CMTM4: variants seen among roughly 807,000 people sequenced by gnomAD.
The protein encoded by CMTM4 is CKLF-like MARVEL transmembrane domain-containing protein 4.
CMTM4 carries 8 observed loss-of-function variants against 19.0 expected under a neutral mutation model. That is an observed-to-expected ratio of 0.42 (90% CI 0.25 to 0.76). The LOEUF (loss-of-function observed/expected upper bound fraction) is 0.76. CMTM4 is among the 30% of genes least tolerant of loss of function. The pLI, the probability that CMTM4 is intolerant of heterozygous loss-of-function variation, is 0.27. For synonymous variants in CMTM4, 106 were observed against 121.1 expected (o/e 0.88, Z 0.82); for missense variants, 228 against 290.2 (o/e 0.79, Z 1.56).
chr16:66,654,615 C>T (rs1330435243), intron 1 of CMTM4, among the ~76,000 whole-genome samples: 3 of 152,200 alleles, frequency 2.0e-5, no homozygotes, highest in Non-Finnish European at 2.9e-5. Flanking sequence ...CATAGCCCGT[C>T]GCACAGTAGT....
downstream of CMTM4, chr16:66,613,954 T>C (rs897998506): frequency 6.4e-5 from 5 of 78,636 alleles, no homozygotes; most frequent in African/African-American, 2.5e-4. Context: ...AGTTTTTCCA[T>C]GGACTGGGGG....
chr16:66,682,454 G>A (rs897556620), intron 1 of CMTM4, among the ~76,000 whole-genome samples: 2 of 151,884 alleles, frequency 1.3e-5, no homozygotes, highest in African/African-American at 4.8e-5. Context: ...TGGAATAAAT[G>A]GGAAACCACA....
intron 1 of CMTM4, among the ~76,000 whole-genome samples, chr16:66,665,581 C>T (rs749494814): frequency 9.9e-5 from 15 of 151,986 alleles, no homozygotes; most frequent in Non-Finnish European, 2.1e-4. Context: ...CCCATCTCTA[C>T]TAAAAATACA....
At chr16:66,633,104 T>TATATATATATATAAATATATATATATAA (rs957560916) in intron 2 of CMTM4, among the ~76,000 whole-genome samples, 42 of 24,726 alleles carry the variant, frequency 1.7e-3, no homozygotes, top group African/African-American at 4.1e-3. Context: ...TATATATAAA[T>TATATATATATATAAATATATATATATAA]ATATATATAT....
At position 66,681,310 on chromosome 16, in the gene CMTM4, T is replaced by G. The variant is rs572972633; in HGVS notation, c.186+15030A>C. 3.3e-3 allele frequency among the ~76,000 whole-genome samples: 498 copies of G among 151,634 alleles called. 1 individual carries two copies. Among genetic ancestry groups the G allele is most frequent in the Non-Finnish European group, 5.8e-3 (391 of 67,982 alleles). ...GATAGTTGACATGCTTTTTTTCCTA[T>G]TAAATCTTTTTTTTTTTCTTTTTTG... is the stretch of plus-strand genomic sequence containing the variant. On this transcript the variant is annotated intron_variant, in intron 1 of 3. Coordinates refer to ENST00000394106, the MANE Select transcript of CMTM4 (RefSeq NM_181521.3).
chr16:66,693,486 G>A (rs1325274135), intron 1 of CMTM4, among the ~76,000 whole-genome samples: 1 of 152,102 alleles, frequency 6.6e-6, no homozygotes, highest in African/African-American at 2.4e-5. Context: ...TCTTCATAAT[G>A]ACTTCTTATT....
chr16:66,617,097 G>C lies in CMTM4; in HGVS notation c.*4961C>G. On this transcript the variant is annotated 3_prime_UTR_variant, in exon 4 of 4. Transcript: ENST00000394106. ...TTAAAAGTTTCAATAGCTCCCTGGG[G>C]GTCCAAGCCAAAGGCTCCCTGGCCT... 1.9e-6 allele frequency: 1 copy of C among 536,338 alleles called. No individual in the cohort carries two copies. Among genetic ancestry groups the C allele is most frequent in the Admixed American group, 3.5e-5 (1 of 28,634 alleles). The allele number at this position is 536,338 out of a possible 1,614,324, so 33.2% of individuals were successfully genotyped here.
chr16:66,683,202 T>TATATATATATACGTATATATATATAC (rs1567432400), intron 1 of CMTM4, among the ~76,000 whole-genome samples: 22 of 137,170 alleles, frequency 1.6e-4, no homozygotes, highest in African/African-American at 5.5e-4. Flanking sequence ...TACATATATA[T>TATATATATATACGTATATATATATAC]ATATATATAA....
chr16:66,610,076 T>C, downstream of CMTM4: 1 of 1,581,560 alleles, frequency 6.3e-7, no homozygotes, highest in Non-Finnish European at 8.6e-7. This position sits in a 1 kb window ranked among gnomAD's most constrained non-coding sequence, Gnocchi z 4.6. Flanking sequence ...GCCAGCTAGT[T>C]TGAGGCTGGG....
chr16:66,660,362 T>C (rs2016477950), intron 1 of CMTM4, among the ~76,000 whole-genome samples: 1 of 131,966 alleles, frequency 7.6e-6, no homozygotes, highest in Non-Finnish European at 1.5e-5. Context: ...CACTCCAGCC[T>C]GGACAATAGG....
chr16:66,652,401 T>C (rs2016326877), intron 1 of CMTM4, among the ~76,000 whole-genome samples: 1 of 152,166 alleles, frequency 6.6e-6, no homozygotes, highest in Non-Finnish European at 1.5e-5. Context: ...CCAGAAAGCT[T>C]GGTTGGGTCT....
the CMTM4 span, chr16:66,605,166 G>A: frequency 4.5e-6 from 2 of 443,024 alleles, no homozygotes; most frequent in Non-Finnish European, 7.8e-6. The surrounding 1 kb of genome is among the most constrained non-coding windows in gnomAD (Gnocchi z 4.6). Flanking sequence ...CAGGCCATCC[G>A]CGGCGCTGTC....
intron 2 of CMTM4, among the ~76,000 whole-genome samples, chr16:66,629,455 CTTG>C (rs2144795286): frequency 6.6e-6 from 1 of 152,274 alleles, no homozygotes; most frequent in African/African-American, 2.4e-5. Context: ...CAAGACAGGA[CTTG>C]TTATTTTGCT....
chr16:66,691,369 C>T (rs1461623695), intron 1 of CMTM4, among the ~76,000 whole-genome samples: 1 of 152,028 alleles, frequency 6.6e-6, no homozygotes, highest in Non-Finnish European at 1.5e-5. Context: ...CCACACTAGA[C>T]ATTCTCCCCA....
rs1256490690 is a variant in CMTM4 at position 66,622,874 on chromosome 16, TCCC to T, written c.462+527_462+529del. Among the ~76,000 whole-genome samples, 1 of 151,940 alleles carries T rather than the reference TCCC, an allele frequency of 6.6e-6. No homozygotes were observed. Among genetic ancestry groups the T allele is most frequent in the Non-Finnish European group, 1.5e-5 (1 of 68,000 alleles). ...GTTTAATCATTTATAAACCTTTTAATCCCCCCATTACAAAAAGGATAACTGTTC... is the reference window on the plus strand; with the variant it reads ...GTTTAATCATTTATAAACCTTTTAATCCCATTACAAAAAGGATAACTGTTC... On this transcript the variant is annotated intron_variant, in intron 3 of 3. Transcript: ENST00000394106. This position sits in a 1 kb window ranked among gnomAD's most constrained non-coding sequence, Gnocchi z 4.0.
chr16:66,621,230 A>T lies in CMTM4; in HGVS notation c.*828T>A, dbSNP rs2015629500. ...CCCACCTGCGGTTCATGAAGCCAGC[A>T]AATGGGCAAGTGCTTTGGCTGGTGG... On this transcript the variant is annotated 3_prime_UTR_variant, in exon 4 of 4. Transcript: ENST00000394106. 4 of 985,614 alleles carry T rather than the reference A, an allele frequency of 4.1e-6. No individual in the cohort carries two copies. The highest frequency in any genetic ancestry group is 4.8e-6 in the Non-Finnish European group (4 of 829,944). The allele number at this position is 985,614 out of a possible 1,614,324, so 61.1% of individuals were successfully genotyped here. A position where few individuals can be genotyped will look rare whatever the true frequency, so the allele number is the denominator to read the frequency against.
At chr16:66,683,324 C>A (rs2016975945) in intron 1 of CMTM4, among the ~76,000 whole-genome samples, 1 of 105,072 alleles carries the variant, frequency 9.5e-6, no homozygotes, top group Non-Finnish European at 1.7e-5. Context: ...CGGAGTCTTG[C>A]TCTGTCACCC....
intron 1 of CMTM4, among the ~76,000 whole-genome samples, chr16:66,647,120 C>A (rs1311618515): frequency 6.7e-6 from 1 of 149,134 alleles, no homozygotes; most frequent in Non-Finnish European, 1.5e-5. Flanking sequence ...TCAAGACTAT[C>A]CTGGCTAATA....
At chr16:66,658,608 A>G (rs2016445048) in intron 1 of CMTM4, among the ~76,000 whole-genome samples, 1 of 152,010 alleles carries the variant, frequency 6.6e-6, no homozygotes, top group African/African-American at 2.4e-5. Context: ...CTAGGACAAG[A>G]TTTCTCAAAC....
Sources: allele counts gnomAD v4.1 joint callset (sites outside exome capture counted in the v4.1 genomes callset), GRCh38; gene constraint gnomAD v4.1.1; non-coding constraint Gnocchi (gnomAD v3.1); transcripts MANE v1.5; gene names NCBI Gene and HGNC (gene_info 2026-07-23, HGNC 2026-07-21).